Variants in APCDD1L observed in about 807,000 individuals in gnomAD.
The protein encoded by APCDD1L is APC down-regulated 1 like, also known as protein APCDD1-like.
Under a neutral mutation model 24.2 loss-of-function variants are expected in APCDD1L, and 21 were observed. The ratio of observed to expected loss-of-function variants is 0.87; its 90% CI spans 0.61 to 1.25. The LOEUF (loss-of-function observed/expected upper bound fraction) is 1.25, where lower values mean the gene tolerates loss of function less well. APCDD1L is among the 50% of genes most tolerant of loss of function. The pLI is 0.00. For missense variants in APCDD1L, 704 were observed against 711.7 expected, an observed-to-expected ratio of 0.99 and a Z score of 0.12; for synonymous variants, 321 against 323.6, an observed-to-expected ratio of 0.99 and a Z score of 0.09.
rs1990353921 is a variant in APCDD1L, at chr20:58,497,866, C to T, written c.49+16793G>A. Among the ~76,000 whole-genome samples, 1 of 152,196 alleles carries T rather than the reference C, an allele frequency of 6.6e-6. No homozygotes were observed. Among genetic ancestry groups the T allele is most frequent in the Non-Finnish European group, 1.5e-5 (1 of 68,048 alleles). On this transcript the variant is annotated intron_variant, in intron 1 of 3. Transcript: ENST00000371149. This position sits in a 1 kb window ranked among gnomAD's most constrained non-coding sequence, Gnocchi z 4.3. ...GATTCTCATATTAAAAGCTAAGTCT[C>T]ATGCAGAGAAGCAGAATTCCCTGTA...
At chr20:58,510,519 A>G (rs1203129560) in intron 1 of APCDD1L, among the ~76,000 whole-genome samples, 1 of 152,224 alleles carries the variant, frequency 6.6e-6, no homozygotes, top group Non-Finnish European at 1.5e-5. Context: ...TTTAGTGGAG[A>G]CAGGGTTTCA....
At chr20:58,476,245 C>T (rs1011815926) in intron 1 of APCDD1L, among the ~76,000 whole-genome samples, 1 of 152,212 alleles carries the variant, frequency 6.6e-6, no homozygotes, top group Non-Finnish European at 1.5e-5. Flanking sequence ...GGCTGGAGTG[C>T]AGTGGTGCAA....
At chr20:58,510,915 T>C (rs1017075870) in intron 1 of APCDD1L, among the ~76,000 whole-genome samples, 1 of 152,106 alleles carries the variant, frequency 6.6e-6, no homozygotes, top group Non-Finnish European at 1.5e-5. Context: ...AAGTGACGTG[T>C]CCAAGCTCAA....
At chr20:58,500,365 A>T (rs545919443) in intron 1 of APCDD1L, among the ~76,000 whole-genome samples, 127 of 152,212 alleles carry the variant, frequency 8.3e-4, no homozygotes, top group Non-Finnish European at 1.6e-3. Context: ...GTCTTCTGGC[A>T]TTTGCTACCC....
chr20:58,474,912 T>C (rs533199430), intron 1 of APCDD1L, among the ~76,000 whole-genome samples: 1 of 152,102 alleles, frequency 6.6e-6, no homozygotes, highest in Non-Finnish European at 1.5e-5. Flanking sequence ...TCGGCAACAA[T>C]GACTCCGCTT....
intron 1 of APCDD1L, among the ~76,000 whole-genome samples, chr20:58,502,159 C>T (rs1990448057): frequency 6.6e-6 from 1 of 152,146 alleles, no homozygotes; most frequent in Non-Finnish European, 1.5e-5. Context: ...ATGGAGTACC[C>T]TGGTGCGATC....
chr20:58,467,758 T>A lies in APCDD1L; in HGVS notation c.189-100A>T. On this transcript the variant is annotated intron_variant, in intron 2 of 3. Coordinates refer to ENST00000371149, the MANE Select transcript of APCDD1L (RefSeq NM_153360.3). This position sits in a 1 kb window ranked among gnomAD's most constrained non-coding sequence, Gnocchi z 5.9. ...GCTCCTTTCTCCCCCCCAGCCCTCCTCTTAGTCCTCAGCTCAGGCCTGGGC... is the reference window on the plus strand; with the variant it reads ...GCTCCTTTCTCCCCCCCAGCCCTCCACTTAGTCCTCAGCTCAGGCCTGGGC... 1 of 1,217,612 alleles carries A rather than the reference T, an allele frequency of 8.2e-7. No homozygotes were observed. The highest frequency in any genetic ancestry group is 1.1e-6 in the Non-Finnish European group (1 of 929,196). The allele number at this position is 1,217,612 out of a possible 1,614,324, so 75.4% of individuals were successfully genotyped here.
intron 1 of APCDD1L, among the ~76,000 whole-genome samples, chr20:58,482,607 G>C (rs1419760138): frequency 6.6e-6 from 1 of 152,198 alleles, no homozygotes; most frequent in African/African-American, 2.4e-5. Flanking sequence ...TGAGTCATCA[G>C]AGTATCATGG....
rs1274419734 is a variant in APCDD1L, at chr20:58,460,079, A to C, written c.*711T>G. ...TTAGATGGAGTCCTCTTCATTTTGC[A>C]TGCTGGCCCGGGAAAACTGGATTTA... On this transcript the variant is annotated 3_prime_UTR_variant, in exon 4 of 4. Coordinates refer to ENST00000371149, the MANE Select transcript of APCDD1L (RefSeq NM_153360.3). The surrounding 1 kb of genome is among the most constrained non-coding windows in gnomAD (Gnocchi z 4.2). 2 of 152,194 alleles carry C rather than the reference A, an allele frequency of 1.3e-5. No homozygotes were observed. Among genetic ancestry groups the C allele is most frequent in the Admixed American group, 1.3e-4 (2 of 15,286 alleles). 9.4% of individuals were successfully genotyped at this position (152,194 alleles called of 1,614,324 possible).
chr20:58,499,550 C>T (rs1471466829), intron 1 of APCDD1L, among the ~76,000 whole-genome samples: 1 of 152,230 alleles, frequency 6.6e-6, no homozygotes, highest in East Asian at 1.9e-4. Flanking sequence ...CTTCCTTGCC[C>T]TCAAGAGCTG....
intron 3 of APCDD1L, among the ~76,000 whole-genome samples, chr20:58,462,918 T>A (rs1472116861): frequency 6.7e-6 from 1 of 149,156 alleles, no homozygotes; most frequent in Non-Finnish European, 1.5e-5. Flanking sequence ...CCCAGGTGGA[T>A]AGATCATGAG....
At chr20:58,479,612 T>C (rs1030840370) in intron 1 of APCDD1L, among the ~76,000 whole-genome samples, 30 of 138,960 alleles carry the variant, frequency 2.2e-4, no homozygotes, top group African/African-American at 6.9e-4. Flanking sequence ...TTTTTTTTTT[T>C]CTTAAAATAT....
intron 2 of APCDD1L, among the ~76,000 whole-genome samples, 162 bp downstream of exon 2, chr20:58,470,447 T>G (rs1297208589): frequency 6.6e-6 from 1 of 152,218 alleles, no homozygotes. Flanking sequence ...TGCCTCCCAT[T>G]GCACTCTGGG....
intron 1 of APCDD1L, among the ~76,000 whole-genome samples, chr20:58,482,417 T>C (rs985056013): frequency 1.3e-5 from 2 of 152,190 alleles, no homozygotes; most frequent in East Asian, 1.9e-4. Flanking sequence ...GACGCAAATA[T>C]TGGCTTAAGT....
chr20:58,466,996 A>T, intron 3 of APCDD1L, 110 bp downstream of exon 3: 1 of 1,357,742 alleles, frequency 7.4e-7, no homozygotes, highest in Non-Finnish European at 9.7e-7. Flanking sequence ...ACAGCCGGGC[A>T]GCCAGAGCCC....
intron 1 of APCDD1L, among the ~76,000 whole-genome samples, chr20:58,484,864 C>G (rs1338455652): frequency 1.3e-5 from 2 of 152,048 alleles, no homozygotes; most frequent in Non-Finnish European, 2.9e-5. Context: ...ACCCCGAAGC[C>G]TTGGTTGCTT....
intron 1 of APCDD1L, among the ~76,000 whole-genome samples, chr20:58,483,666 A>T (rs1990066519): frequency 6.6e-6 from 1 of 152,234 alleles, no homozygotes; most frequent in Non-Finnish European, 1.5e-5. Context: ...ACCTGGTGAC[A>T]GGTGGTTGGA....
At position 58,497,985 on chromosome 20, in the gene APCDD1L, T is replaced by A. The variant is rs559652675; in HGVS notation, c.49+16674A>T. On this transcript the variant is annotated intron_variant, in intron 1 of 3. Coordinates refer to ENST00000371149, the MANE Select transcript of APCDD1L (RefSeq NM_153360.3). This position sits in a 1 kb window ranked among gnomAD's most constrained non-coding sequence, Gnocchi z 4.3. The stretch of plus-strand genomic sequence containing the variant: ...ATCTTTTCCTCTGGGGGCATATGCA[T>A]AAATATATGTCCCGAGGAGGGGTGC... Among the ~76,000 whole-genome samples, 1 of 152,308 alleles carries A rather than the reference T, an allele frequency of 6.6e-6. No homozygotes were observed. The highest frequency in any genetic ancestry group is 2.1e-4 in the South Asian group (1 of 4,824).
chr20:58,490,396 C>T (rs1990202908), intron 1 of APCDD1L, among the ~76,000 whole-genome samples: 1 of 152,200 alleles, frequency 6.6e-6, no homozygotes, highest in African/African-American at 2.4e-5. Context: ...TGCACCTTCA[C>T]ACCATGACAG....
Sources: gnomAD v4.1 joint callset for allele counts (sites outside exome capture counted in the v4.1 genomes callset) on GRCh38, gnomAD v4.1.1 for gene constraint, Gnocchi (gnomAD v3.1) non-coding constraint, MANE v1.5 for transcripts, NCBI Gene and HGNC (gene_info 2026-07-23, HGNC 2026-07-21) for gene names.